Variants in CHD4 observed in about 807,000 individuals in gnomAD.
CHD4 encodes ATP-dependent chromatin remodeler CHD4.
Under a neutral mutation model 235.5 loss-of-function variants are expected in CHD4, and 35 were observed. That is an observed-to-expected ratio of 0.15 (90% CI 0.11 to 0.20). The LOEUF is 0.20. Ranked by LOEUF, CHD4 falls within the 10% of genes least tolerant of loss-of-function variation. The pLI, the probability that CHD4 is intolerant of heterozygous loss-of-function variation, is 1.00. For missense variants in CHD4, 1,329 were observed against 2,432.3 expected (o/e 0.55, Z 9.54); for synonymous variants, 900 against 850.2 (o/e 1.06, Z -1.02).
At position 6,598,518 on chromosome 12, in the gene CHD4, A is replaced by T. The variant is rs781766054; in HGVS notation, c.1483-93T>A. ...TCAACTTCATCAAAGGACGATTCAG[A>T]TCTCATTTCAGACCTGGAGCAGTGG... On this transcript the variant is annotated intron_variant, in intron 10 of 39. Coordinates refer to ENST00000544040, the MANE Select transcript of CHD4 (RefSeq NM_001273.5). 5.4e-6 allele frequency: 6 copies of T among 1,108,282 alleles called. No homozygotes were observed. The South Asian group carries it at 7.7e-5, about 14-fold the overall frequency. The allele number at this position is 1,108,282 out of a possible 1,614,324, so 68.7% of individuals were successfully genotyped here. A position where few individuals can be genotyped will look rare whatever the true frequency, so the allele number is the denominator to read the frequency against.
chr12:6,599,194 G>A (rs2136222043), intron 10 of CHD4, among the ~76,000 whole-genome samples: 1 of 152,288 alleles, frequency 6.6e-6, no homozygotes, highest in Non-Finnish European at 1.5e-5. Flanking sequence ...CACTTAATGA[G>A]GACAAGGGAG....
At chr12:6,605,618 G>A (rs1253278549) in intron 2 of CHD4, among the ~76,000 whole-genome samples, 6 of 152,112 alleles carry the variant, frequency 3.9e-5, no homozygotes, top group Non-Finnish European at 7.4e-5. Flanking sequence ...ACCAGGAGGA[G>A]GAGTGCCCTC....
intron 2 of CHD4, among the ~76,000 whole-genome samples, chr12:6,605,427 C>T (rs934394589): frequency 1.3e-5 from 2 of 152,126 alleles, no homozygotes; most frequent in African/African-American, 2.4e-5. Context: ...GACAACAGTT[C>T]CCCCAATCAG....
chr12:6,606,246 C>T (rs1373354466), intron 2 of CHD4, 28 bp downstream of exon 2: 3 of 1,462,932 alleles, frequency 2.1e-6, no homozygotes, highest in Non-Finnish European at 2.8e-6. Flanking sequence ...GTCTCCTTCC[C>T]GCCATGGGCC....
At chr12:6,602,240 G>A in intron 3 of CHD4, 65 bp from the exon 4 acceptor site, 2 of 1,601,546 alleles carry the variant, frequency 1.2e-6, no homozygotes, top group Non-Finnish European at 1.7e-6. Context: ...GCTGACCTCA[G>A]GACAGCCCTG....
At position 6,578,083 on chromosome 12, in the gene CHD4, G is replaced by T. The variant is rs755937437; in HGVS notation, c.5174C>A (p.Thr1725Asn). ...EERAATVTKK[T>N]YEIWHRRHDY... ...ATGCCGTCGATGCCAGATCTCATAA[G>T]TCTTCTTGGTAACTGTGGCTGCCCG... Residue 1725 changes from threonine (T) to asparagine (N), a missense_variant, in exon 36 of 40, where the codon ACT becomes AAT. Physicochemically the swap from Thr to Asn is moderately conservative, Grantham distance 65. Around this residue, in one of 26 missense-constraint regions of CHD4, gnomAD observed 135 missense variants for 282.3 expected, o/e 0.48. Coordinates refer to ENST00000544040, the MANE Select transcript of CHD4 (RefSeq NM_001273.5). 5.6e-6 allele frequency: 9 copies of T among 1,613,192 alleles called. No individual in the cohort carries two copies. Among genetic ancestry groups the T allele is most frequent in the Non-Finnish European group, 7.6e-6 (9 of 1,180,046 alleles).
chr12:6,572,819 C>A (rs1947999178), intron 38 of CHD4: 1 of 302,276 alleles, frequency 3.3e-6, no homozygotes, highest in African/African-American at 2.3e-5. Flanking sequence ...CTTGGCCTCC[C>A]AAAGTGCTGG....
Position 6,581,401 on chromosome 12 carries a change from A to G in CHD4, c.4682-13T>C. ...TTTATCCCATCTTCTGCAGAACAATAAAAGACAATCAATTAGGAAGAAGGT... is the reference window on the plus strand; with the variant it reads ...TTTATCCCATCTTCTGCAGAACAATGAAAGACAATCAATTAGGAAGAAGGT... On this transcript the variant is annotated splice_polypyrimidine_tract_variant and intron_variant, in intron 31 of 39. Coordinates refer to ENST00000544040, the MANE Select transcript of CHD4 (RefSeq NM_001273.5). The G allele has an allele frequency of 6.2e-7, 1 of 1,609,446 alleles. No homozygotes were observed. The highest frequency in any genetic ancestry group is 8.5e-7 in the Non-Finnish European group (1 of 1,175,788).
At position 6,570,403 on chromosome 12, in the gene CHD4, G is replaced by C; in HGVS notation, c.*273C>G. The stretch of plus-strand genomic sequence containing the variant: ...AACCCACAACAGTTTGTGTGTAACA[G>C]GCGTTACAGTGGGGAGAAGCCAGGG... On this transcript the variant is annotated 3_prime_UTR_variant, in exon 40 of 40. Transcript: ENST00000544040. 3.9e-6 allele frequency: 2 copies of C among 511,916 alleles called. No individual in the cohort carries two copies. Among genetic ancestry groups the C allele is most frequent in the Non-Finnish European group, 6.9e-6 (2 of 287,856 alleles). The allele number at this position is 511,916 out of a possible 1,614,324, so 31.7% of individuals were successfully genotyped here.
intron 34 of CHD4, 69 bp downstream of exon 34, chr12:6,578,777 G>T: frequency 6.8e-7 from 1 of 1,474,804 alleles, no homozygotes; most frequent in Non-Finnish European, 9.5e-7. Context: ...AGGGAGGCAG[G>T]GCAGATACAG....
intron 1 of CHD4, chr12:6,606,666 G>C (rs1206974150): frequency 9.4e-6 from 3 of 319,292 alleles, no homozygotes; most frequent in Non-Finnish European, 1.7e-5. Context: ...CGCCTCCGAG[G>C]GCAGGCTGGT....
In CHD4 at chr12:6,596,124, C is replaced by G; in HGVS notation, c.1906G>C (p.Gly636Arg). The G allele has an allele frequency of 2.5e-6, 4 of 1,613,756 alleles. No homozygotes were observed. Among genetic ancestry groups the G allele is most frequent in the Non-Finnish European group, 3.4e-6 (4 of 1,179,872 alleles). Residue 636 changes from glycine to arginine, a missense_variant, in exon 13 of 40, where the codon GGC (glycine) becomes CGC (arginine). Around this residue, in one of 26 missense-constraint regions of CHD4, gnomAD observed 121 missense variants for 177.8 expected, o/e 0.68. Coordinates refer to ENST00000544040, the MANE Select transcript of CHD4 (RefSeq NM_001273.5). ...RILNHSVDKK[G>R]HVHYLIKWRD... ...CACTTGATCAAGTAGTGGACGTGGCCCTTCTTGTCCACACTGCAAGTCCAG... is the reference window on the plus strand; with the variant it reads ...CACTTGATCAAGTAGTGGACGTGGCGCTTCTTGTCCACACTGCAAGTCCAG...
intron 21 of CHD4, 53 bp from the exon 22 acceptor site, chr12:6,591,636 C>T: frequency 6.2e-7 from 1 of 1,613,846 alleles, no homozygotes; most frequent in Non-Finnish European, 8.5e-7. Context: ...AATCCCTTTC[C>T]TTAGGTCACT....
intron 4 of CHD4, 38 bp from the exon 5 acceptor site, chr12:6,601,804 TAGTGCCCACACTTGCTA>T (rs1948595981): frequency 1.3e-5 from 21 of 1,582,738 alleles, no homozygotes; most frequent in Non-Finnish European, 1.8e-5. Context: ...ACCTGCCACC[TAGTGCCCACACTTGCTA>T]AGCAAATTTG....
At chr12:6,592,588 A>G (rs1208452628) in intron 18 of CHD4, 22 bp from the exon 19 acceptor site, 25 of 1,581,378 alleles carry the variant, frequency 1.6e-5, no homozygotes, top group Non-Finnish European at 2.2e-5. Context: ...AAAAGGAAAA[A>G]AGTTATTGGA....
chr12:6,580,845 A>T (rs1418418495), intron 33 of CHD4, 199 bp downstream of exon 33: 8 of 603,442 alleles, frequency 1.3e-5, no homozygotes, highest in Admixed American at 6.0e-5. Context: ...TGTCTCTACT[A>T]AAAATACAAA....
In CHD4 at chr12:6,587,568, A is replaced by C; in HGVS notation, c.3704-9T>G. On this transcript the variant is annotated splice_polypyrimidine_tract_variant and intron_variant, in intron 24 of 39. Transcript: ENST00000544040. ...CTCTTTGTTGTCTCCTCCTATAAAAAATCAAGGGCCCACATCCCCAAAGTC... is the reference window on the plus strand; with the variant it reads ...CTCTTTGTTGTCTCCTCCTATAAAACATCAAGGGCCCACATCCCCAAAGTC... 1 of 1,613,500 alleles carries C rather than the reference A, an allele frequency of 6.2e-7. No homozygotes were observed. The highest frequency in any genetic ancestry group is 1.7e-4 in the Middle Eastern group (1 of 6,054).
intron 17 of CHD4, 121 bp downstream of exon 17, chr12:6,592,970 G>A: frequency 1.3e-6 from 2 of 1,516,262 alleles, no homozygotes; most frequent in Non-Finnish European, 1.8e-6. Context: ...TCACATACAA[G>A]GAAGGAAGGC....
Position 6,597,756 on chromosome 12 carries a change from C to T in CHD4, c.1892+138G>A, listed in dbSNP as rs185779196. 108 of 757,332 alleles carry T rather than the reference C, an allele frequency of 1.4e-4. 1 individual carries two copies. The highest frequency in any genetic ancestry group is 1.2e-3 in the African/African-American group (70 of 58,058). The allele number at this position is 757,332 out of a possible 1,614,324, so 46.9% of individuals were successfully genotyped here. On this transcript the variant is annotated intron_variant, in intron 12 of 39. Transcript: ENST00000544040. ...ACTCCAGCCTGGGCACAGAGTGAGACTCTGTCTCAAAAACAAAAAACAAAC... is the reference window on the plus strand; with the variant it reads ...ACTCCAGCCTGGGCACAGAGTGAGATTCTGTCTCAAAAACAAAAAACAAAC...
Sources: gnomAD v4.1 joint callset for allele counts (sites outside exome capture counted in the v4.1 genomes callset) on GRCh38, gnomAD v4.1.1 for gene constraint, gnomAD v4.1.1 regional missense constraint, MANE v1.5 for transcripts, NCBI Gene and HGNC (gene_info 2026-07-23, HGNC 2026-07-21) for gene names.